The following RBFOX1 variants were observed in gnomAD, a reference collection of about 807,000 sequenced individuals.
RBFOX1 encodes RNA binding protein fox-1 homolog 1.
In RBFOX1, 8 loss-of-function variants were observed where a neutral mutation model predicts 57.7. The observed-to-expected ratio is 0.14, with a 90% CI of 0.08 to 0.25. RBFOX1 has a LOEUF of 0.25. Among genes scored for constraint, RBFOX1 ranks in the 10% least tolerant of loss-of-function variants. The pLI is 1.00. For missense variants in RBFOX1, 611 were observed against 548.5 expected (o/e 1.11, Z -1.14); for synonymous variants, 326 against 222.4 (o/e 1.47, Z -4.15).
At chr16:6,897,718 G>C (rs60059695) in intron 3 of RBFOX1, among the ~76,000 whole-genome samples, 1 of 151,916 alleles carries the variant, frequency 6.6e-6, no homozygotes, top group African/African-American at 2.4e-5. Flanking sequence ...GCTTGAACCC[G>C]GGAGGCAGAG....
At chr16:5,736,190 G>A (rs67336329) in intron 3 of RBFOX1, among the ~76,000 whole-genome samples, 31,615 of 151,900 alleles carry the variant, frequency 0.21, 3,680 homozygotes, top group East Asian at 0.42. Flanking sequence ...CCTGCCACCT[G>A]GCACCCCCCA....
intron 1 of RBFOX1, among the ~76,000 whole-genome samples, chr16:5,331,591 C>T (rs928415516): frequency 7.9e-5 from 12 of 152,242 alleles, no homozygotes; most frequent in Non-Finnish European, 1.5e-4. Flanking sequence ...TACTTATTGA[C>T]GGTACATTGG....
chr16:6,744,067 A>G (rs1229936153), intron 3 of RBFOX1, among the ~76,000 whole-genome samples: 1 of 152,120 alleles, frequency 6.6e-6, no homozygotes, highest in Non-Finnish European at 1.5e-5. Context: ...GTGATCACTA[A>G]TCTAAAGAAT....
intron 4 of RBFOX1, among the ~76,000 whole-genome samples, chr16:7,205,856 A>G (rs11642971): frequency 0.29 from 44,710 of 152,216 alleles, 6,773 homozygotes; most frequent in Non-Finnish European, 0.33. Flanking sequence ...TGAGGAGCCA[A>G]TTGTGCTCTG....
At chr16:6,303,807 T>TTTTA (rs2152747413) in intron 1 of RBFOX1, among the ~76,000 whole-genome samples, 1 of 119,404 alleles carries the variant, frequency 8.4e-6, no homozygotes, top group Admixed American at 8.2e-5. Flanking sequence ...AACCCTGTCT[T>TTTTA]TTTTTTTTTT....
At chr16:5,927,765 C>A (rs1367630210) in intron 4 of RBFOX1, among the ~76,000 whole-genome samples, 1 of 152,094 alleles carries the variant, frequency 6.6e-6, no homozygotes, top group Non-Finnish European at 1.5e-5. Flanking sequence ...ACTATTCAGC[C>A]TTGAAAAAGA....
At chr16:7,508,649 T>A (rs530909256) in intron 4 of RBFOX1, among the ~76,000 whole-genome samples, 18 of 152,238 alleles carry the variant, frequency 1.2e-4, no homozygotes, top group African/African-American at 3.6e-4. Context: ...ATACTATGTA[T>A]CCAGATTTTC....
intron 3 of RBFOX1, among the ~76,000 whole-genome samples, chr16:6,708,187 T>G (rs918007955): frequency 8.5e-5 from 13 of 152,114 alleles, no homozygotes; most frequent in African/African-American, 2.4e-4. Context: ...TGTTTCTTAT[T>G]AAGCCCCCTC....
chr16:7,268,834 C>G (rs1029997387), intron 4 of RBFOX1, among the ~76,000 whole-genome samples: 1 of 151,706 alleles, frequency 6.6e-6, no homozygotes, highest in Admixed American at 6.6e-5. Flanking sequence ...GTCAGGAGTT[C>G]GATACCAGTT....
intron 3 of RBFOX1, among the ~76,000 whole-genome samples, chr16:7,017,539 A>G (rs1456269374): frequency 6.6e-6 from 1 of 152,178 alleles, no homozygotes; most frequent in Non-Finnish European, 1.5e-5. Flanking sequence ...AGCCAACGGA[A>G]CAGAGAAAGT....
intron 3 of RBFOX1, among the ~76,000 whole-genome samples, chr16:6,916,010 C>CAGCTT (rs1436066091): frequency 3.5e-5 from 5 of 141,592 alleles, no homozygotes; most frequent in African/African-American, 1.3e-4. Context: ...ACTGGGAAAA[C>CAGCTT]TTAAAGACAG....
intron 2 of RBFOX1, among the ~76,000 whole-genome samples, chr16:6,487,686 A>T (rs1598026397): frequency 4.6e-5 from 1 of 21,826 alleles, no homozygotes; most frequent in African/African-American, 1.2e-4. Context: ...AAAAAAAAAA[A>T]AAAAAAAAAA....
At chr16:5,487,214 G>C (rs114124399) in intron 2 of RBFOX1, among the ~76,000 whole-genome samples, 1 of 152,132 alleles carries the variant, frequency 6.6e-6, no homozygotes, top group Non-Finnish European at 1.5e-5. Context: ...ATAATTATCT[G>C]GCTATTGTCC....
At chr16:6,647,422 A>G (rs985515861) in intron 2 of RBFOX1, among the ~76,000 whole-genome samples, 29 of 151,976 alleles carry the variant, frequency 1.9e-4, no homozygotes, top group African/African-American at 7.0e-4. Flanking sequence ...TTTTTCTATT[A>G]TATTGAAATC....
chr16:5,372,200 G>T (rs2065875048), intron 1 of RBFOX1, among the ~76,000 whole-genome samples: 1 of 152,166 alleles, frequency 6.6e-6, no homozygotes, highest in Non-Finnish European at 1.5e-5. Flanking sequence ...AGGCAGCCAA[G>T]GCCAGCTGGG....
At chr16:5,577,481 G>A (rs1265991491) in intron 2 of RBFOX1, among the ~76,000 whole-genome samples, 3 of 152,122 alleles carry the variant, frequency 2.0e-5, no homozygotes, top group African/African-American at 7.2e-5. Context: ...GAACACCTGT[G>A]AGCTTTTTCC....
At chr16:5,344,494 C>G (rs958324290) in intron 1 of RBFOX1, among the ~76,000 whole-genome samples, 1 of 152,188 alleles carries the variant, frequency 6.6e-6, no homozygotes, top group Non-Finnish European at 1.5e-5. Flanking sequence ...CCTCACCTCC[C>G]TCCCCAATTC....
intron 1 of RBFOX1, among the ~76,000 whole-genome samples, chr16:6,153,650 C>A (rs1004074841): frequency 1.3e-5 from 2 of 152,088 alleles, no homozygotes; most frequent in African/African-American, 4.8e-5. Context: ...ATTCTCCTGT[C>A]TCAGCCTTCC....
At chr16:6,214,516 G>A (rs2097319077) in intron 1 of RBFOX1, among the ~76,000 whole-genome samples, 1 of 130,794 alleles carries the variant, frequency 7.6e-6, no homozygotes, top group African/African-American at 3.0e-5. Flanking sequence ...GAAAAGTGGA[G>A]AGGAAGAGAG....
Sources: gnomAD v4.1 joint callset for allele counts (sites outside exome capture counted in the v4.1 genomes callset) on GRCh38, gnomAD v4.1.1 for gene constraint, MANE v1.5 for transcripts, NCBI Gene and HGNC (gene_info 2026-07-23, HGNC 2026-07-21) for gene names.